ADAM22: variants seen among roughly 807,000 people sequenced by gnomAD.
ADAM22 encodes the protein ADAM metallopeptidase domain 22, also known as disintegrin and metalloproteinase domain-containing protein 22.
A neutral mutation model predicts 144.6 loss-of-function variants in ADAM22; 65 were observed. The ratio of observed to expected loss-of-function variants is 0.45; its 90% CI spans 0.37 to 0.55. The LOEUF (loss-of-function observed/expected upper bound fraction) is 0.55, where lower values mean the gene tolerates loss of function less well. Among genes scored for constraint, ADAM22 ranks in the 20% least tolerant of loss-of-function variants. The pLI is 0.00. For synonymous variants in ADAM22, 391 were observed against 412.6 expected, an observed-to-expected ratio of 0.95 and a Z score of 0.63; for missense variants, 974 against 1,184.9, an observed-to-expected ratio of 0.82 and a Z score of 2.61.
intron 3 of ADAM22, among the ~76,000 whole-genome samples, chr7:88,033,388 A>C (rs1157623032): frequency 6.6e-6 from 1 of 152,236 alleles, no homozygotes; most frequent in Non-Finnish European, 1.5e-5. Context: ...ACTTTCTGGC[A>C]ATCAAACAGA....
At chr7:87,957,441 G>A (rs1847042383) in intron 2 of ADAM22, among the ~76,000 whole-genome samples, 1 of 152,134 alleles carries the variant, frequency 6.6e-6, no homozygotes, top group African/African-American at 2.4e-5. Flanking sequence ...ACAAAATTTA[G>A]TGTGGTTTGT....
chr7:88,112,198 T>C (rs1463414285), intron 5 of ADAM22, among the ~76,000 whole-genome samples: 1 of 152,224 alleles, frequency 6.6e-6, no homozygotes, highest in African/African-American at 2.4e-5. Context: ...CATCTGTTTA[T>C]GTTTAAATTC....
intron 3 of ADAM22, among the ~76,000 whole-genome samples, chr7:87,994,959 C>A (rs1227416911): frequency 6.6e-6 from 1 of 152,130 alleles, no homozygotes; most frequent in Non-Finnish European, 1.5e-5. Context: ...TCCTAAGTAG[C>A]TGGGAATACA....
At chr7:88,156,952 AAAAAC>A (rs1191234693) in intron 22 of ADAM22, among the ~76,000 whole-genome samples, 1 of 152,146 alleles carries the variant, frequency 6.6e-6, no homozygotes, top group Non-Finnish European at 1.5e-5. Context: ...TGAAGGGGAA[AAAAAC>A]AAAACCACTT....
At chr7:88,145,587 A>G in intron 17 of ADAM22, 80 bp downstream of exon 17, 1 of 1,103,498 alleles carries the variant, frequency 9.1e-7, no homozygotes, top group Non-Finnish European at 1.3e-6. Flanking sequence ...AATATAATCT[A>G]ATAACAGAAA....
At chr7:88,186,439 G>T in intron 29 of ADAM22, 176 bp from the exon 30 acceptor site, 1 of 630,000 alleles carries the variant, frequency 1.6e-6, no homozygotes, top group Non-Finnish European at 2.8e-6. Flanking sequence ...TTGTAGCTGA[G>T]ATTATTCTCA....
At chr7:88,123,214 T>C (rs1026585364) in intron 7 of ADAM22, among the ~76,000 whole-genome samples, 2 of 152,130 alleles carry the variant, frequency 1.3e-5, no homozygotes, top group African/African-American at 4.8e-5. Flanking sequence ...GAAAGCATAT[T>C]GGACTGTAGT....
chr7:88,021,100 A>G (rs1797726217), intron 3 of ADAM22, among the ~76,000 whole-genome samples: 3 of 152,182 alleles, frequency 2.0e-5, no homozygotes, highest in Admixed American at 6.5e-5. Context: ...GCCTTCCATC[A>G]TCCAGTCTTA....
chr7:87,950,024 C>A (rs756023323), intron 2 of ADAM22, among the ~76,000 whole-genome samples: 3 of 151,756 alleles, frequency 2.0e-5, no homozygotes, highest in Admixed American at 1.3e-4. Flanking sequence ...TCTTCATATA[C>A]TAGTTTAAAT....
chr7:88,165,867 A>T lies in ADAM22; in HGVS notation c.2112A>T (p.Arg704Ser). The change falls in exon 24 of 32, where the codon AGA becomes AGT. Residue 704 changes from arginine to serine, a missense_variant. This residue lies in a region of ADAM22 where 734 missense variants were observed against 950.6 expected (regional missense o/e 0.77). Transcript: ENST00000413139. Reference sequence around the variant, plus strand: ...ATGAGCTGAAGTGTGTGTGTAACAGACACTGGATAGGTTCTGATTGCAACA... The same window carrying T: ...ATGAGCTGAAGTGTGTGTGTAACAGTCACTGGATAGGTTCTGATTGCAACA... ...CSNELKCVCN[R>S]HWIGSDCNTY... 1.2e-6 allele frequency: 2 copies of T among 1,611,636 alleles called. No individual in the cohort carries two copies. Among genetic ancestry groups the T allele is most frequent in the Non-Finnish European group, 1.7e-6 (2 of 1,178,800 alleles).
intron 3 of ADAM22, among the ~76,000 whole-genome samples, chr7:88,002,038 T>C (rs1792685449): frequency 6.6e-6 from 1 of 152,124 alleles, no homozygotes; most frequent in Non-Finnish European, 1.5e-5. Flanking sequence ...AAAAGCCTAA[T>C]GTTATAAACT....
chr7:88,052,130 A>C (rs1806594611), intron 3 of ADAM22, among the ~76,000 whole-genome samples: 1 of 152,084 alleles, frequency 6.6e-6, no homozygotes, highest in Admixed American at 6.5e-5. Context: ...CCTGCTATCC[A>C]CTTCACTTTG....
chr7:88,010,204 A>G (rs1795042069), intron 3 of ADAM22, among the ~76,000 whole-genome samples: 2 of 152,162 alleles, frequency 1.3e-5, no homozygotes, highest in Admixed American at 1.3e-4. Flanking sequence ...AGGCCATGGA[A>G]CACTGGCTAT....
Position 87,934,536 on chromosome 7 carries a change from G to T in ADAM22, c.71G>T (p.Arg24Leu). Residue 24 changes from arginine (R) to leucine (L), a missense_variant, in exon 1 of 32, where the codon CGC (arginine) becomes CTC (leucine). Physicochemically the swap from Arg to Leu is moderately radical, Grantham distance 102. Coordinates refer to ENST00000413139, the MANE Select transcript of ADAM22 (RefSeq NM_001324418.2). ...LCVLGTCPPA[R>L]CGQAGDASLM... ...GTCCTGGGGACCTGCCCTCCGGCGC[G>T]CTGCGGCCAGGCAGGTAAGTTAGCC... The T allele has an allele frequency of 1.9e-6, 3 of 1,608,130 alleles. No individual in the cohort carries two copies. Among genetic ancestry groups the T allele is most frequent in the South Asian group, 1.1e-5 (1 of 90,604 alleles).
At chr7:88,042,823 TCTAAC>T (rs1396409884) in intron 3 of ADAM22, among the ~76,000 whole-genome samples, 1 of 151,590 alleles carries the variant, frequency 6.6e-6, no homozygotes, top group Non-Finnish European at 1.5e-5. Context: ...TTAATGTGCT[TCTAAC>T]CTAATCTCAA....
At chr7:88,169,192 G>A (rs1843647476) in intron 25 of ADAM22, among the ~76,000 whole-genome samples, 1 of 152,072 alleles carries the variant, frequency 6.6e-6, no homozygotes, top group Admixed American at 6.6e-5. Flanking sequence ...AAAAGGGAGA[G>A]CAGTTAGTTT....
At chr7:88,078,924 C>T (rs1181125254) in intron 4 of ADAM22, among the ~76,000 whole-genome samples, 1 of 152,190 alleles carries the variant, frequency 6.6e-6, no homozygotes, top group Non-Finnish European at 1.5e-5. Context: ...AAACACTCTG[C>T]AGGATATTAT....
At chr7:88,095,706 CAT>C (rs1184255485) in intron 4 of ADAM22, among the ~76,000 whole-genome samples, 3 of 152,130 alleles carry the variant, frequency 2.0e-5, no homozygotes, top group Non-Finnish European at 4.4e-5. Context: ...ATGTTTTAAA[CAT>C]GTTAAAAATT....
intron 4 of ADAM22, among the ~76,000 whole-genome samples, chr7:88,080,782 C>A (rs1585526073): frequency 6.6e-6 from 1 of 152,146 alleles, no homozygotes; most frequent in African/African-American, 2.4e-5. Flanking sequence ...CATACACTCT[C>A]CCAAGACTAA....
Sources: gnomAD v4.1 joint callset for allele counts (sites outside exome capture counted in the v4.1 genomes callset) on GRCh38, gnomAD v4.1.1 for gene constraint, gnomAD v4.1.1 regional missense constraint, MANE v1.5 for transcripts, NCBI Gene and HGNC (gene_info 2026-07-23, HGNC 2026-07-21) for gene names.